The following RAD54L2 variants were observed in gnomAD, a reference collection of about 807,000 sequenced individuals.
RAD54L2 encodes the protein helicase ARIP4.
RAD54L2 carries 27 observed loss-of-function variants against 138.4 expected under a neutral mutation model. That is an observed-to-expected ratio of 0.20 (90% CI 0.14 to 0.27). The LOEUF (loss-of-function observed/expected upper bound fraction) is 0.27, where lower values mean the gene tolerates loss of function less well. Among genes scored for constraint, RAD54L2 ranks in the 10% least tolerant of loss-of-function variants. RAD54L2 has a pLI of 1.00. For synonymous variants in RAD54L2, 644 were observed against 723.2 expected (o/e 0.89, Z 1.76); for missense variants, 1,396 against 1,890.2 (o/e 0.74, Z 4.85).
chr3:51,642,013 A>G (rs1048631709), intron 15 of RAD54L2, 146 bp downstream of exon 15: 19 of 638,476 alleles, frequency 3.0e-5, no homozygotes, highest in Non-Finnish European at 5.0e-5. Context: ...ACTAAGAGCC[A>G]GCTGTTGTTT....
chr3:51,631,137 A>T (rs1343502475), intron 7 of RAD54L2, among the ~76,000 whole-genome samples: 1 of 152,220 alleles, frequency 6.6e-6, no homozygotes, highest in Non-Finnish European at 1.5e-5. Flanking sequence ...AGGGAAAGGG[A>T]AGAGACAAGC....
chr3:51,642,118 A>G (rs1701152701), intron 15 of RAD54L2, among the ~76,000 whole-genome samples: 1 of 152,184 alleles, frequency 6.6e-6, no homozygotes, highest in African/African-American at 2.4e-5. Flanking sequence ...AGATGTGACA[A>G]TTCAAGAACA....
chr3:51,559,179 C>T (rs1023839394), intron 2 of RAD54L2, among the ~76,000 whole-genome samples: 4 of 152,210 alleles, frequency 2.6e-5, no homozygotes, highest in Non-Finnish European at 5.9e-5. Context: ...TGAACCACTG[C>T]GCCTGGCCGA....
chr3:51,550,341 T>A (rs1290537881), intron 2 of RAD54L2, among the ~76,000 whole-genome samples: 1 of 152,252 alleles, frequency 6.6e-6, no homozygotes, highest in African/African-American at 2.4e-5. Flanking sequence ...TCCAGTCTGT[T>A]GCTCTTAGAA....
intron 3 of RAD54L2, among the ~76,000 whole-genome samples, chr3:51,622,899 C>A (rs890077403): frequency 1.3e-5 from 2 of 152,210 alleles, no homozygotes; most frequent in East Asian, 3.9e-4. Context: ...CCTACCCATT[C>A]TGTTATTTCA....
chr3:51,656,272 C>A lies in RAD54L2; in HGVS notation c.3226+102C>A, dbSNP rs150475187. The stretch of plus-strand genomic sequence containing the variant: ...AACACCTTTTGTATTTCTGGCCTTA[C>A]TACATTTGGCACTCTTGGTAAAAAA... On this transcript the variant is annotated intron_variant, in intron 20 of 22. Coordinates refer to ENST00000684192, the MANE Select transcript of RAD54L2 (RefSeq NM_015106.4). The A allele has an allele frequency of 1.9e-4, 211 of 1,101,138 alleles. No homozygotes were observed. In the East Asian group the frequency reaches 5.2e-3, roughly 27 times the overall value. The allele number at this position is 1,101,138 out of a possible 1,614,324, so 68.2% of individuals were successfully genotyped here.
rs768938983 is a variant in RAD54L2, at chr3:51,645,751, C to T, written c.2817C>T (p.His939=). The change falls in exon 18 of 23, where the codon CAC becomes CAT. Residue 939 remains histidine (H), a synonymous_variant. Transcript: ENST00000684192. The surrounding 1 kb of genome is among the most constrained non-coding windows in gnomAD (Gnocchi z 6.1). The part of the protein sequence containing the change: ...VLQLACLKYP[H]LITKEPFEHE... ...AACTGGCCTGTCTGAAGTACCCTCACCTCATCACCAAGGTAAGAACTTGGT... is the reference window on the plus strand; with the variant it reads ...AACTGGCCTGTCTGAAGTACCCTCATCTCATCACCAAGGTAAGAACTTGGT... 7 of 1,610,304 alleles carry T rather than the reference C, an allele frequency of 4.3e-6. No individual in the cohort carries two copies. The highest frequency in any genetic ancestry group is 2.7e-5 in the African/African-American group (2 of 74,792).
chr3:51,593,738 CA>C (rs1000094532), intron 3 of RAD54L2, among the ~76,000 whole-genome samples: 6 of 152,120 alleles, frequency 3.9e-5, no homozygotes, highest in Non-Finnish European at 8.8e-5. Flanking sequence ...TTATTCTTTT[CA>C]AAAAACTGTC....
intron 3 of RAD54L2, among the ~76,000 whole-genome samples, chr3:51,615,411 G>A (rs901495943): frequency 1.3e-5 from 2 of 152,188 alleles, no homozygotes; most frequent in Non-Finnish European, 2.9e-5. Context: ...ATCTACGTGT[G>A]GTTGTGGATG....
chr3:51,662,032 C>G lies in RAD54L2; in HGVS notation c.3410-394C>G, dbSNP rs561535303. On this transcript the variant is annotated intron_variant, in intron 22 of 22. Coordinates refer to ENST00000684192, the MANE Select transcript of RAD54L2 (RefSeq NM_015106.4). The surrounding 1 kb of genome is among the most constrained non-coding windows in gnomAD (Gnocchi z 4.6). ...ATAGCTATGGATTTTGTTTTGTTTT[C>G]AAATCAGAATGAACTGCTTTTTAGC... 3.9e-4 allele frequency among the ~76,000 whole-genome samples: 60 copies of G among 152,266 alleles called. No homozygotes were observed. The highest frequency in any genetic ancestry group is 1.4e-3 in the African/African-American group (58 of 41,556).
chr3:51,640,870 G>C (rs1431161093), intron 14 of RAD54L2, among the ~76,000 whole-genome samples: 4 of 152,244 alleles, frequency 2.6e-5, no homozygotes, highest in Non-Finnish European at 5.9e-5. Flanking sequence ...TTCAGCTGTG[G>C]AAGTGAAGAA....
At chr3:51,640,112 C>T (rs932996396) in intron 14 of RAD54L2, 113 bp downstream of exon 14, 2 of 699,510 alleles carry the variant, frequency 2.9e-6, no homozygotes, top group African/African-American at 1.8e-5. Flanking sequence ...TTGTGAGGAC[C>T]TTCTTGCATG....
intron 2 of RAD54L2, among the ~76,000 whole-genome samples, chr3:51,566,506 G>T (rs1484347692): frequency 9.0e-6 from 1 of 110,570 alleles, no homozygotes; most frequent in African/African-American, 3.6e-5. Flanking sequence ...TAATGACAGA[G>T]TCTCAGTCTG....
chr3:51,579,028 C>G (rs1559623661), intron 2 of RAD54L2, among the ~76,000 whole-genome samples: 1 of 152,144 alleles, frequency 6.6e-6, no homozygotes, highest in East Asian at 1.9e-4. Context: ...CCCTGTAGGC[C>G]TTCCCTGGCC....
At chr3:51,629,538 G>C in intron 5 of RAD54L2, 65 bp downstream of exon 5, 3 of 1,572,526 alleles carry the variant, frequency 1.9e-6, no homozygotes, top group African/African-American at 1.4e-5. Flanking sequence ...GGTGCACACA[G>C]TGGTCAAAAG....
At chr3:51,651,144 A>T (rs1701421414) in intron 19 of RAD54L2, among the ~76,000 whole-genome samples, 1 of 152,232 alleles carries the variant, frequency 6.6e-6, no homozygotes, top group Admixed American at 6.5e-5. Context: ...AGCATCAGAG[A>T]ATACTCTAAA....
chr3:51,639,393 C>A (rs1460488086), intron 12 of RAD54L2, 26 bp from the exon 13 acceptor site: 1 of 1,611,206 alleles, frequency 6.2e-7, no homozygotes, highest in South Asian at 1.1e-5. Flanking sequence ...TGTCCTGTGT[C>A]TCCTCTCCCT....
Position 51,640,096 on chromosome 3 carries a change from G to A in RAD54L2, c.2231+97G>A, listed in dbSNP as rs1300816200. ...CCAAGACCACCCCCGCCTCCCCCAA[G>A]TGCTATTGTGAGGACCTTCTTGCAT... On this transcript the variant is annotated intron_variant, in intron 14 of 22. Transcript: ENST00000684192. 4.7e-6 allele frequency: 4 copies of A among 847,056 alleles called. No homozygotes were observed. In the South Asian group the frequency reaches 5.1e-5, roughly 11 times the overall value. 52.5% of individuals were successfully genotyped at this position (847,056 alleles called of 1,614,324 possible).
At chr3:51,612,605 A>G (rs1228097001) in intron 3 of RAD54L2, among the ~76,000 whole-genome samples, 2 of 152,064 alleles carry the variant, frequency 1.3e-5, no homozygotes, top group Non-Finnish European at 2.9e-5. Context: ...TAGATATACT[A>G]ATCCTTTGTT....
Sources: gnomAD v4.1 joint callset for allele counts (sites outside exome capture counted in the v4.1 genomes callset) on GRCh38, gnomAD v4.1.1 for gene constraint, Gnocchi (gnomAD v3.1) non-coding constraint, MANE v1.5 for transcripts, NCBI Gene and HGNC (gene_info 2026-07-23, HGNC 2026-07-21) for gene names.